Variants in SHC3 observed in about 807,000 individuals in gnomAD.
SHC3 encodes SHC adaptor protein 3, also known as SHC-transforming protein 3.
A neutral mutation model predicts 60.4 loss-of-function variants in SHC3; 15 were observed. That is an observed-to-expected ratio of 0.25 (90% CI 0.17 to 0.38). The LOEUF is 0.38. SHC3 is among the 10% of genes least tolerant of loss of function. SHC3 has a pLI of 1.00. For synonymous variants in SHC3, 294 were observed against 325.9 expected (o/e 0.90, Z 1.05); for missense variants, 677 against 786.1 (o/e 0.86, Z 1.66).
At chr9:89,055,965 T>C (rs934662064) in intron 6 of SHC3, among the ~76,000 whole-genome samples, 1 of 152,200 alleles carries the variant, frequency 6.6e-6, no homozygotes. Flanking sequence ...AAGGATGCAA[T>C]AAAGAGAAAA....
chr9:89,092,849 G>C (rs1237368351), intron 2 of SHC3, among the ~76,000 whole-genome samples: 3 of 151,690 alleles, frequency 2.0e-5, no homozygotes, highest in Admixed American at 6.6e-5. Context: ...TATCTTGTTT[G>C]ACTCATTATG....
chr9:89,164,913 G>T (rs952026983), intron 1 of SHC3, among the ~76,000 whole-genome samples: 1 of 152,102 alleles, frequency 6.6e-6, no homozygotes, highest in Non-Finnish European at 1.5e-5. Context: ...CCCAGCCAAG[G>T]CAATAAGAGA....
chr9:89,049,035 G>A (rs1460963167), intron 7 of SHC3, among the ~76,000 whole-genome samples: 1 of 152,190 alleles, frequency 6.6e-6, no homozygotes, highest in African/African-American at 2.4e-5. Flanking sequence ...GCCGAGAGGG[G>A]CGGATCACGA....
chr9:89,030,535 G>A (rs1479291549), intron 11 of SHC3, among the ~76,000 whole-genome samples: 2 of 152,000 alleles, frequency 1.3e-5, no homozygotes, highest in African/African-American at 4.8e-5. Flanking sequence ...AACAAGTGAA[G>A]ATAATTCATA....
At position 89,080,734 on chromosome 9, in the gene SHC3, A is replaced by AATATAT. The variant is rs10591505; in HGVS notation, c.546-2837_546-2832dup. ...AAAGTAGTAAAAGAAAACTAGGAAG[A>AATATAT]ATATATATATATATATATATATATG... On this transcript the variant is annotated intron_variant, in intron 2 of 11. Transcript: ENST00000375835. Among the ~76,000 whole-genome samples, 144 of 132,084 alleles carry AATATAT rather than the reference A, an allele frequency of 1.1e-3. 1 individual carries two copies. The highest frequency in any genetic ancestry group is 3.0e-3 in the African/African-American group (106 of 34,948). The allele number at this position is 132,084 out of a possible 152,430, so 86.7% of individuals were successfully genotyped here.
Position 89,112,601 on chromosome 9 carries a change from C to T in SHC3, c.500G>A (p.Arg167His), listed in dbSNP as rs761105182. ...ACTGAAGTCAAGAGACCTCATTGAG[C>T]GCAGAACTTCAATGCACCCCAAGTA... ...VKYLGCIEVL[R>H]SMRSLDFSTR... Residue 167 changes from arginine to histidine, a missense_variant, in exon 2 of 12, where the codon CGC becomes CAC. By Grantham distance (29) the Arg-to-His change is conservative. Transcript: ENST00000375835. 1.2e-5 allele frequency: 19 copies of T among 1,594,292 alleles called. No individual in the cohort carries two copies. The highest frequency in any genetic ancestry group is 2.3e-5 in the South Asian group (2 of 87,064).
rs116418659 is a variant in SHC3, at chr9:89,157,806, G to A, written c.474+20181C>T. Among the ~76,000 whole-genome samples, 838 of 152,036 alleles carry A rather than the reference G, an allele frequency of 5.5e-3. 9 individuals carry two copies. Among genetic ancestry groups the A allele is most frequent in the African/African-American group, 0.019 (797 of 41,490 alleles). On this transcript the variant is annotated intron_variant, in intron 1 of 11. Transcript: ENST00000375835. ...TAATTTAAAAAAAATTTTTTTTGCAGAAATAGGATCTGGCTATGTTGCCCA... is the reference window on the plus strand; with the variant it reads ...TAATTTAAAAAAAATTTTTTTTGCAAAAATAGGATCTGGCTATGTTGCCCA...
chr9:89,045,642 G>T, intron 9 of SHC3, 104 bp downstream of exon 9: 1 of 949,128 alleles, frequency 1.1e-6, no homozygotes, highest in Non-Finnish European at 1.6e-6. Flanking sequence ...CATATATCCA[G>T]GGGTCACTCT....
At chr9:89,112,859 T>C (rs1825970120) in intron 1 of SHC3, among the ~76,000 whole-genome samples, 1 of 152,334 alleles carries the variant, frequency 6.6e-6, no homozygotes, top group East Asian at 1.9e-4. Flanking sequence ...AACCTGTTAG[T>C]ATTTTCATCT....
chr9:89,108,350 C>CGA (rs1825895388), intron 2 of SHC3, among the ~76,000 whole-genome samples: 1 of 144,164 alleles, frequency 6.9e-6, no homozygotes, highest in Admixed American at 6.9e-5. Flanking sequence ...CCACCTCTAC[C>CGA]AAAAAAAAAA....
At chr9:89,143,101 A>G (rs746094263) in intron 1 of SHC3, among the ~76,000 whole-genome samples, 1 of 152,198 alleles carries the variant, frequency 6.6e-6, no homozygotes, top group Non-Finnish European at 1.5e-5. Context: ...AAAGTAAAGT[A>G]ATAAGAGAAT....
chr9:89,140,743 G>T (rs967412193), intron 1 of SHC3, among the ~76,000 whole-genome samples: 1 of 151,980 alleles, frequency 6.6e-6, no homozygotes, highest in Non-Finnish European at 1.5e-5. Flanking sequence ...CCCAAAACAG[G>T]GTCCGTGGCA....
At chr9:89,109,694 G>A in intron 2 of SHC3, 1 of 985,482 alleles carries the variant, frequency 1.0e-6, no homozygotes, top group Non-Finnish European at 1.2e-6. Context: ...CCACCCCCAT[G>A]CACTCCAGGT....
intron 9 of SHC3, among the ~76,000 whole-genome samples, chr9:89,044,595 G>A (rs1225389936): frequency 6.6e-6 from 1 of 152,114 alleles, no homozygotes; most frequent in Non-Finnish European, 1.5e-5. Context: ...AGTTATAAAT[G>A]TTTTTGAGAA....
intron 1 of SHC3, among the ~76,000 whole-genome samples, chr9:89,141,789 G>A (rs894491566): frequency 7.2e-5 from 11 of 151,946 alleles, no homozygotes; most frequent in Admixed American, 4.6e-4. Context: ...TTCAACTTGC[G>A]GTCACAGGGC....
At chr9:89,172,739 A>G (rs1038394084) in intron 1 of SHC3, among the ~76,000 whole-genome samples, 14 of 152,212 alleles carry the variant, frequency 9.2e-5, no homozygotes, top group African/African-American at 3.4e-4. Context: ...TCCTTTACCC[A>G]GGAAACACAC....
At chr9:89,050,827 T>G (rs538580661) in intron 7 of SHC3, among the ~76,000 whole-genome samples, 1 of 152,252 alleles carries the variant, frequency 6.6e-6, no homozygotes, top group East Asian at 1.9e-4. Context: ...TACCTACATT[T>G]GGGTTGCTGT....
intron 4 of SHC3, among the ~76,000 whole-genome samples, chr9:89,074,563 C>T (rs1825323974): frequency 6.6e-6 from 1 of 152,082 alleles, no homozygotes; most frequent in South Asian, 2.1e-4. Context: ...TTAATTAACA[C>T]TGTGGCTGTG....
intron 11 of SHC3, chr9:89,037,655 CT>C (rs1824604469): frequency 1.6e-6 from 1 of 641,192 alleles, no homozygotes; most frequent in Non-Finnish European, 2.8e-6. Context: ...TATTAAAAGC[CT>C]AGGAGCCTGT....
Sources: allele counts gnomAD v4.1 joint callset (sites outside exome capture counted in the v4.1 genomes callset), GRCh38; gene constraint gnomAD v4.1.1; transcripts MANE v1.5; gene names NCBI Gene and HGNC (gene_info 2026-07-23, HGNC 2026-07-21).